Variants in ASPH observed in about 807,000 individuals in gnomAD.
The protein encoded by ASPH is aspartate beta-hydroxylase, also known as aspartyl/asparaginyl beta-hydroxylase.
A neutral mutation model predicts 118.4 loss-of-function variants in ASPH; 100 were observed. That is an observed-to-expected ratio of 0.84 (90% CI 0.72 to 1.00). ASPH has a LOEUF of 1.00. Ranked by LOEUF, ASPH falls within the 50% of genes least tolerant of loss-of-function variation. The pLI, the probability that ASPH is intolerant of heterozygous loss-of-function variation, is 0.00. For missense variants in ASPH, 920 were observed against 919.5 expected, an observed-to-expected ratio of 1.00 and a Z score of -0.01; for synonymous variants, 315 against 325.6, an observed-to-expected ratio of 0.97 and a Z score of 0.35.
At chr8:61,691,848 C>A (rs1379250360) in intron 1 of ASPH, among the ~76,000 whole-genome samples, 1 of 152,164 alleles carries the variant, frequency 6.6e-6, no homozygotes, top group East Asian at 1.9e-4. Flanking sequence ...GCATAAATAA[C>A]CTTACCCCCA....
intron 15 of ASPH, among the ~76,000 whole-genome samples, chr8:61,582,130 T>C (rs1837760383): frequency 1.3e-5 from 2 of 152,294 alleles, no homozygotes; most frequent in Admixed American, 6.5e-5. Context: ...GTCAATAACA[T>C]AGCTTCCTGT....
intron 14 of ASPH, among the ~76,000 whole-genome samples, chr8:61,592,356 T>G (rs1841396589): frequency 6.6e-6 from 1 of 152,252 alleles, no homozygotes; most frequent in African/African-American, 2.4e-5. Context: ...AGATCAGATT[T>G]TCTCTATGAT....
chr8:61,608,261 C>T (rs1051811314), intron 14 of ASPH, among the ~76,000 whole-genome samples: 4 of 152,238 alleles, frequency 2.6e-5, no homozygotes, highest in Non-Finnish European at 4.4e-5. Flanking sequence ...AAAATTTGCA[C>T]GGTTTGCTAA....
At chr8:61,607,590 T>A (rs1410871614) in intron 14 of ASPH, among the ~76,000 whole-genome samples, 1 of 151,608 alleles carries the variant, frequency 6.6e-6, no homozygotes, top group Non-Finnish European at 1.5e-5. Context: ...CCCTCAGTAA[T>A]GTTTTCTTAT....
chr8:61,631,255 A>T (rs981684422), intron 13 of ASPH, among the ~76,000 whole-genome samples: 12 of 152,172 alleles, frequency 7.9e-5, no homozygotes, highest in Admixed American at 2.0e-4. Context: ...AGTGTTTATA[A>T]AATCTACAGT....
At chr8:61,516,563 T>C (rs1263180287) in intron 24 of ASPH, among the ~76,000 whole-genome samples, 1 of 152,182 alleles carries the variant, frequency 6.6e-6, no homozygotes, top group East Asian at 1.9e-4. Flanking sequence ...AATAACTTGC[T>C]TTCTGATCTC....
chr8:61,661,856 G>T, intron 3 of ASPH: 1 of 418,922 alleles, frequency 2.4e-6, no homozygotes, highest in South Asian at 7.4e-5. Flanking sequence ...CATGCTGATT[G>T]ATTTATGTCA....
At chr8:61,576,957 C>T in intron 15 of ASPH, 99 bp from the exon 16 acceptor site, 3 of 1,023,412 alleles carry the variant, frequency 2.9e-6, no homozygotes, top group Non-Finnish European at 4.2e-6. Context: ...TCAGAGTTTC[C>T]TAGATTCCAT....
chr8:61,695,898 T>G (rs1833824544), intron 1 of ASPH, among the ~76,000 whole-genome samples: 1 of 152,218 alleles, frequency 6.6e-6, no homozygotes, highest in South Asian at 2.1e-4. Context: ...TTGTTTGGGC[T>G]GTCAAGTCAC....
chr8:61,561,785 G>T (rs1161597896), intron 18 of ASPH, among the ~76,000 whole-genome samples: 1 of 152,168 alleles, frequency 6.6e-6, no homozygotes, highest in Non-Finnish European at 1.5e-5. Flanking sequence ...AAATTTAGCT[G>T]GGCATGGTGG....
intron 24 of ASPH, among the ~76,000 whole-genome samples, chr8:61,513,253 T>G (rs1809576363): frequency 6.6e-6 from 1 of 152,226 alleles, no homozygotes; most frequent in African/African-American, 2.4e-5. Context: ...CCAAAAGTAC[T>G]TCTACAATCA....
chr8:61,520,741 T>C (rs1409341836), intron 22 of ASPH, among the ~76,000 whole-genome samples: 1 of 152,182 alleles, frequency 6.6e-6, no homozygotes, highest in African/African-American at 2.4e-5. Context: ...CTCTGTGCTG[T>C]CCAGGCAGCA....
chr8:61,676,105 A>G (rs1191450973), intron 3 of ASPH: 8 of 1,599,466 alleles, frequency 5.0e-6, no homozygotes, highest in Non-Finnish European at 5.1e-6. Context: ...ATATGACACA[A>G]GTCTTTCCCT....
At chr8:61,560,770 G>A (rs2131426678) in intron 18 of ASPH, among the ~76,000 whole-genome samples, 1 of 152,192 alleles carries the variant, frequency 6.6e-6, no homozygotes, top group East Asian at 1.9e-4. Flanking sequence ...TTTAGCGTCA[G>A]GTAAAGGGAT....
At chr8:61,660,077 A>G (rs1275557789) in intron 3 of ASPH, 1 of 152,082 alleles carries the variant, frequency 6.6e-6, no homozygotes, top group Non-Finnish European at 1.5e-5. Context: ...GAAATTTAGA[A>G]TATGAATGAT....
chr8:61,549,711 G>GTGCA (rs1305869950), intron 20 of ASPH, among the ~76,000 whole-genome samples: 1 of 152,062 alleles, frequency 6.6e-6, no homozygotes, highest in Non-Finnish European at 1.5e-5. Flanking sequence ...TACTTCCTAT[G>GTGCA]CTTTTCAGGG....
chr8:61,693,401 G>A (rs1041595667), intron 1 of ASPH, among the ~76,000 whole-genome samples: 1 of 152,136 alleles, frequency 6.6e-6, no homozygotes, highest in East Asian at 1.9e-4. Flanking sequence ...CATAATGACT[G>A]TAAAGTGTCA....
intron 1 of ASPH, among the ~76,000 whole-genome samples, chr8:61,685,706 G>C (rs1383484661): frequency 6.6e-6 from 1 of 151,604 alleles, no homozygotes; most frequent in African/African-American, 2.4e-5. Flanking sequence ...TTTCAAAAGG[G>C]GCCATAAAAA....
intron 3 of ASPH, chr8:61,664,406 T>C (rs755497301): frequency 7.5e-4 from 727 of 975,338 alleles, no homozygotes; most frequent in Non-Finnish European, 7.9e-4. Flanking sequence ...TCTAAGACTA[T>C]AAAGGTATCA....
Sources: allele counts gnomAD v4.1 joint callset (sites outside exome capture counted in the v4.1 genomes callset), GRCh38; gene constraint gnomAD v4.1.1; transcripts MANE v1.5; gene names NCBI Gene and HGNC (gene_info 2026-07-23, HGNC 2026-07-21).